PHACTR3: variants seen among roughly 807,000 people sequenced by gnomAD.
PHACTR3 encodes the protein protein phosphatase 1, regulatory subunit 123.
Under a neutral mutation model 66.8 loss-of-function variants are expected in PHACTR3, and 16 were observed. The observed-to-expected ratio is 0.24, with a 90% confidence interval of 0.16 to 0.36. The LOEUF (loss-of-function observed/expected upper bound fraction) is 0.36, where lower values mean the gene tolerates loss of function less well. PHACTR3 is among the 10% of genes least tolerant of loss of function. The pLI, the probability that PHACTR3 is intolerant of heterozygous loss-of-function variation, is 1.00. For missense variants in PHACTR3, 647 were observed against 719.9 expected (o/e 0.90, Z 1.16); for synonymous variants, 323 against 292.1 (o/e 1.11, Z -1.08).
At chr20:59,809,584 ATTC>A (rs1159009123) in intron 8 of PHACTR3, among the ~76,000 whole-genome samples, 1 of 152,092 alleles carries the variant, frequency 6.6e-6, no homozygotes, top group Non-Finnish European at 1.5e-5. Flanking sequence ...GAGTTACATG[ATTC>A]TTCTCTCTGG....
chr20:59,790,912 G>A (rs549748382), intron 7 of PHACTR3, among the ~76,000 whole-genome samples: 2 of 152,188 alleles, frequency 1.3e-5, no homozygotes, highest in Admixed American at 6.5e-5. Context: ...CTGAGGAAGA[G>A]AACATAGTTC....
chr20:59,628,802 G>C, intron 1 of PHACTR3: 1 of 985,442 alleles, frequency 1.0e-6, no homozygotes, highest in Non-Finnish European at 1.2e-6. Flanking sequence ...CCCTGCGCTG[G>C]GAAGAGCCAC....
chr20:59,737,992 G>T (rs1246869808), intron 1 of PHACTR3, among the ~76,000 whole-genome samples: 1 of 152,146 alleles, frequency 6.6e-6, no homozygotes, highest in Non-Finnish European at 1.5e-5. Context: ...AGCCACTAGG[G>T]CAGAAGTGGG....
chr20:59,751,831 C>G (rs117749865), intron 3 of PHACTR3, among the ~76,000 whole-genome samples: 3,403 of 152,158 alleles, frequency 0.022, 61 homozygotes, highest in Non-Finnish European at 0.036. Flanking sequence ...AGTGCTCCTT[C>G]CACCCTCGTC....
At chr20:59,762,187 G>T (rs2040015269) in intron 4 of PHACTR3, among the ~76,000 whole-genome samples, 1 of 152,216 alleles carries the variant, frequency 6.6e-6, no homozygotes, top group Non-Finnish European at 1.5e-5. Context: ...ATGTTTTGGG[G>T]GAGACTTTGG....
chr20:59,801,706 G>T (rs956309419), intron 7 of PHACTR3, among the ~76,000 whole-genome samples: 1 of 152,166 alleles, frequency 6.6e-6, no homozygotes, highest in African/African-American at 2.4e-5. Flanking sequence ...TATAATCCTC[G>T]CTGTAGATAA....
At chr20:59,788,354 C>T (rs1388930445) in intron 7 of PHACTR3, among the ~76,000 whole-genome samples, 1 of 152,192 alleles carries the variant, frequency 6.6e-6, no homozygotes, top group Non-Finnish European at 1.5e-5. Context: ...GATAGTGACA[C>T]TTCCCTTACC....
chr20:59,594,327 T>C (rs1313195346), intron 1 of PHACTR3, among the ~76,000 whole-genome samples: 2 of 138,956 alleles, frequency 1.4e-5, no homozygotes, highest in African/African-American at 5.2e-5. Context: ...TCAGGAGGCT[T>C]TTTGGTCGAG....
chr20:59,674,493 C>T lies in PHACTR3; in HGVS notation c.119-68614C>T, dbSNP rs539852129. The stretch of plus-strand genomic sequence containing the variant: ...CTCCTGTTCCCCCTTGTTCTCGTTC[C>T]CCTTCTCCTGTTCCCCCTTCTCCTG... On this transcript the variant is annotated intron_variant, in intron 1 of 12. Transcript: ENST00000371015. Among the ~76,000 whole-genome samples, 32 of 122,606 alleles carry T rather than the reference C, an allele frequency of 2.6e-4. 2 individuals carry two copies. The highest frequency in any genetic ancestry group is 4.3e-4 in the Non-Finnish European group (27 of 62,816). The allele number at this position is 122,606 out of a possible 152,430, so 80.4% of individuals were successfully genotyped here.
intron 1 of PHACTR3, among the ~76,000 whole-genome samples, chr20:59,705,980 GA>G: frequency 6.6e-6 from 1 of 152,192 alleles, no homozygotes. Context: ...GGCCAGAGCT[GA>G]AGTGAGCAGA....
chr20:59,845,562 C>G (rs1360151915), intron 12 of PHACTR3, among the ~76,000 whole-genome samples: 1 of 152,088 alleles, frequency 6.6e-6, no homozygotes, highest in African/African-American at 2.4e-5. Flanking sequence ...GTATTTAATT[C>G]CCCTCTAATA....
chr20:59,577,526 G>C, exon 1 of PHACTR3: 1 of 1,155,624 alleles, frequency 8.7e-7, no homozygotes, highest in Non-Finnish European at 1.1e-6. Context: ...GCCGTGGCGG[G>C]GGGCGCGCCC....
chr20:59,688,586 A>G lies in PHACTR3; in HGVS notation c.119-54521A>G, dbSNP rs138272869. ...TTCAGCTCCAACCTCCAATCCTTGCACAGAACCCTACAGTACGTGTTTTGT... is the reference window on the plus strand; with the variant it reads ...TTCAGCTCCAACCTCCAATCCTTGCGCAGAACCCTACAGTACGTGTTTTGT... On this transcript the variant is annotated intron_variant, in intron 1 of 12. Transcript: ENST00000371015. 5.5e-3 allele frequency among the ~76,000 whole-genome samples: 835 copies of G among 152,306 alleles called. 25 individuals are homozygous for G. The highest frequency in any genetic ancestry group is 0.049 in the Admixed American group (751 of 15,290).
Position 59,693,938 on chromosome 20 carries a change from C to G in PHACTR3, c.119-49169C>G, listed in dbSNP as rs182836372. Among the ~76,000 whole-genome samples the G allele has an allele frequency of 4.6e-5, 7 of 152,270 alleles. No homozygotes were observed. The East Asian group carries it at 1.4e-3, about 29-fold the overall frequency. ...CTGCAGGCAATTGGCAACGTAAGCC[C>G]CAGTCCAGCCCAGATTCAAAGGAAG... On this transcript the variant is annotated intron_variant, in intron 1 of 12. Transcript: ENST00000371015.
intron 1 of PHACTR3, among the ~76,000 whole-genome samples, chr20:59,618,903 C>T (rs1411255273): frequency 6.6e-6 from 1 of 152,162 alleles, no homozygotes; most frequent in Non-Finnish European, 1.5e-5. Flanking sequence ...GCAGGATACT[C>T]GGAGAGATTG....
intron 8 of PHACTR3, among the ~76,000 whole-genome samples, chr20:59,812,874 G>A (rs1475129363): frequency 6.6e-6 from 1 of 152,140 alleles, no homozygotes; most frequent in African/African-American, 2.4e-5. Context: ...TCCCTGCTCT[G>A]CAGATGAGGA....
rs1157818112 is a variant in PHACTR3 at position 59,688,079 on chromosome 20, G to A, written c.119-55028G>A. 3.3e-5 allele frequency among the ~76,000 whole-genome samples: 5 copies of A among 152,108 alleles called. No individual in the cohort carries two copies. The East Asian group carries it at 9.6e-4, about 29-fold the overall frequency. On this transcript the variant is annotated intron_variant, in intron 1 of 12. Coordinates refer to ENST00000371015, the MANE Select transcript of PHACTR3 (RefSeq NM_080672.5). ...TGCCAGAATGGAATTACACTGACTT[G>A]TTTCCATTGCATTTATTTTGTGGCC... is the stretch of plus-strand genomic sequence containing the variant.
Position 59,774,620 on chromosome 20 carries a change from G to A in PHACTR3, c.1174+130G>A, listed in dbSNP as rs369777343. On this transcript the variant is annotated intron_variant, in intron 7 of 12. Transcript: ENST00000371015. ...GGCTGCACCTGGGGAGAAACAAGAG[G>A]GGGGCTGTGTCCTCTGGAAATGAGC... 9.4e-6 allele frequency: 12 copies of A among 1,274,056 alleles called. No individual in the cohort carries two copies. The African/African-American group carries it at 1.5e-4, about 16-fold the overall frequency. The allele number at this position is 1,274,056 out of a possible 1,614,324, so 78.9% of individuals were successfully genotyped here. A position where few individuals can be genotyped will look rare whatever the true frequency, so the allele number is the denominator to read the frequency against.
rs1022555079 is a variant in PHACTR3, at chr20:59,730,277, G to A, written c.119-12830G>A. On this transcript the variant is annotated intron_variant, in intron 1 of 12. Coordinates refer to ENST00000371015, the MANE Select transcript of PHACTR3 (RefSeq NM_080672.5). ...AGGTGGGTAGGAAGGGTGAGACCAT[G>A]AGGGATGAATAGGAGTTCATCAGAG... Among the ~76,000 whole-genome samples the A allele has an allele frequency of 2.0e-4, 30 of 152,220 alleles. 1 individual carries two copies. Among genetic ancestry groups the A allele is most frequent in the African/African-American group, 6.8e-4 (28 of 41,474 alleles).
Sources: gnomAD v4.1 joint callset for allele counts (sites outside exome capture counted in the v4.1 genomes callset) on GRCh38, gnomAD v4.1.1 for gene constraint, MANE v1.5 for transcripts, NCBI Gene and HGNC (gene_info 2026-07-23, HGNC 2026-07-21) for gene names.